Variants in PFKFB3 observed in about 807,000 individuals in gnomAD.
PFKFB3 encodes 6-phosphofructo-2-kinase/fructose-2,6-biphosphatase 3.
A neutral mutation model predicts 68.0 loss-of-function variants in PFKFB3; 33 were observed. The ratio of observed to expected loss-of-function variants is 0.49; its 90% CI spans 0.37 to 0.65. PFKFB3 has a LOEUF of 0.65. PFKFB3 is among the 30% of genes least tolerant of loss of function. PFKFB3 has a pLI of 0.00. For missense variants in PFKFB3, 586 were observed against 712.2 expected (o/e 0.82, Z 2.02); for synonymous variants, 315 against 288.2 (o/e 1.09, Z -0.94).
At chr10:6,255,230 T>A (rs1469644081), downstream of PFKFB3, among the ~76,000 whole-genome samples, 1 of 152,076 alleles carries the variant, frequency 6.6e-6, no homozygotes, top group African/African-American at 2.4e-5. Context: ...TTTCAAGTGA[T>A]TCTCCTGCCT....
the PFKFB3 span, among the ~76,000 whole-genome samples, chr10:6,319,298 G>A: frequency 6.6e-6 from 1 of 152,140 alleles, no homozygotes; most frequent in South Asian, 2.1e-4. Context: ...AAGAATATTT[G>A]GTACATATAC....
intron 1 of PFKFB3, among the ~76,000 whole-genome samples, chr10:6,173,731 G>C (rs1190645040): frequency 6.6e-6 from 1 of 152,000 alleles, no homozygotes; most frequent in African/African-American, 2.4e-5. Flanking sequence ...CGGGGGTGCA[G>C]AGAGAGGGAG....
At chr10:6,150,612 G>A (rs995538838) in intron 1 of PFKFB3, among the ~76,000 whole-genome samples, 12 of 151,584 alleles carry the variant, frequency 7.9e-5, no homozygotes, top group Non-Finnish European at 2.9e-5. Flanking sequence ...GCGACAGAGC[G>A]AGACTGTCTC....
At position 6,215,069 on chromosome 10, in the gene PFKFB3, A is replaced by G. The variant is rs1588497793; in HGVS notation, c.203-152A>G. On this transcript the variant is annotated intron_variant, in intron 2 of 14. Coordinates refer to ENST00000379775, the MANE Select transcript of PFKFB3 (RefSeq NM_004566.4). The surrounding 1 kb of genome is among the most constrained non-coding windows in gnomAD (Gnocchi z 4.3). ...TGTCCTCAGGAGTTGAGGGTAGCGT[A>G]GGACTGGGCGCCGGCATTGCTTCCA... 1 of 647,834 alleles carries G rather than the reference A, an allele frequency of 1.5e-6. No homozygotes were observed. Among genetic ancestry groups the G allele is most frequent in the South Asian group, 1.8e-5 (1 of 56,192 alleles). The allele number at this position is 647,834 out of a possible 1,614,324, so 40.1% of individuals were successfully genotyped here.
intron 1 of PFKFB3, among the ~76,000 whole-genome samples, chr10:6,190,658 C>G (rs886935128): frequency 6.6e-6 from 1 of 152,160 alleles, no homozygotes; most frequent in African/African-American, 2.4e-5. Flanking sequence ...AAAACAAAAA[C>G]AACAGATTGT....
At chr10:6,311,237 A>G in the PFKFB3 span, among the ~76,000 whole-genome samples, 1 of 152,152 alleles carries the variant, frequency 6.6e-6, no homozygotes, top group African/African-American at 2.4e-5. Flanking sequence ...GACATTATCA[A>G]TACAGGAATG....
chr10:6,178,671 G>C (rs181869027), intron 1 of PFKFB3, among the ~76,000 whole-genome samples: 1 of 152,302 alleles, frequency 6.6e-6, no homozygotes, highest in Admixed American at 6.5e-5. Flanking sequence ...TATTTTCCCC[G>C]GGGCCAGGGT....
intron 14 of PFKFB3, among the ~76,000 whole-genome samples, chr10:6,249,178 TAAAAA>T (rs71391803): frequency 3.9e-5 from 3 of 76,960 alleles, no homozygotes; most frequent in Admixed American, 1.6e-4. Context: ...CCGTCTCAAT[TAAAAA>T]AAAAAAAAAA....
chr10:6,318,377 T>C, the PFKFB3 span, among the ~76,000 whole-genome samples: 36 of 152,174 alleles, frequency 2.4e-4, no homozygotes, highest in Admixed American at 6.5e-4. Context: ...CATGACGGCC[T>C]TGCATTCTAA....
chr10:6,218,107 G>A (rs528452851), intron 6 of PFKFB3, among the ~76,000 whole-genome samples: 2 of 152,348 alleles, frequency 1.3e-5, no homozygotes, highest in South Asian at 4.1e-4. Context: ...GAGGCTCAGA[G>A]TATGAGGGTT....
chr10:6,292,266 C>CTTTTT, the PFKFB3 span, among the ~76,000 whole-genome samples: 1 of 107,264 alleles, frequency 9.3e-6, no homozygotes, highest in Admixed American at 1.1e-4. Context: ...AACCAGTGTA[C>CTTTTT]TTTTTTTTTT....
chr10:6,304,845 C>CA, the PFKFB3 span, among the ~76,000 whole-genome samples: 2 of 73,808 alleles, frequency 2.7e-5, 1 homozygote, highest in Non-Finnish European at 5.2e-5. Context: ...ATATTAGGAA[C>CA]TTTTTTTTTT....
rs887947464 is a variant in PFKFB3, at chr10:6,228,091, C to T, written c.1515+1726C>T. 112 of 1,236,742 alleles carry T rather than the reference C, an allele frequency of 9.1e-5. No homozygotes were observed. Among genetic ancestry groups the T allele is most frequent in the Admixed American group, 1.0e-4 (6 of 57,362 alleles). 76.6% of individuals were successfully genotyped at this position (1,236,742 alleles called of 1,614,324 possible). On this transcript the variant is annotated intron_variant, in intron 14 of 14. Coordinates refer to ENST00000379775, the MANE Select transcript of PFKFB3 (RefSeq NM_004566.4). This position sits in a 1 kb window ranked among gnomAD's most constrained non-coding sequence, Gnocchi z 4.5. ...TTCAGGGTGGCCAGGTTCTTAGGGA[C>T]GTCTGAAGCTGCTGGCTGGGCCGGC...
chr10:6,179,113 C>T (rs1842626354), intron 1 of PFKFB3, among the ~76,000 whole-genome samples: 1 of 152,258 alleles, frequency 6.6e-6, no homozygotes, highest in South Asian at 2.1e-4. Flanking sequence ...CATTTAACAG[C>T]TGAGAAGAAA....
chr10:6,145,114 C>A, intron 1 of PFKFB3: 1 of 969,510 alleles, frequency 1.0e-6, no homozygotes, highest in South Asian at 3.2e-5. Flanking sequence ...GGCGCGGAAG[C>A]ACTGTGCACC....
chr10:6,284,098 C>T, the PFKFB3 span, among the ~76,000 whole-genome samples: 6 of 152,094 alleles, frequency 3.9e-5, no homozygotes, highest in Admixed American at 2.0e-4. Context: ...ATTTTATGAC[C>T]CAGAATATGA....
At chr10:6,315,872 T>C in the PFKFB3 span, among the ~76,000 whole-genome samples, 1 of 152,240 alleles carries the variant, frequency 6.6e-6, no homozygotes, top group South Asian at 2.1e-4. Flanking sequence ...TATTATACCA[T>C]GTGGCTCATA....
intron 14 of PFKFB3, among the ~76,000 whole-genome samples, chr10:6,250,908 A>G (rs1846366428): frequency 6.6e-6 from 1 of 152,216 alleles, no homozygotes; most frequent in African/African-American, 2.4e-5. Flanking sequence ...AGTGGGTTGA[A>G]CTACGCCAGC....
At chr10:6,263,785 A>G in the PFKFB3 span, among the ~76,000 whole-genome samples, 1 of 152,218 alleles carries the variant, frequency 6.6e-6, no homozygotes, top group Non-Finnish European at 1.5e-5. Flanking sequence ...TCCTGGGCCT[A>G]AACGATTCTC....
Sources: gnomAD v4.1 joint callset for allele counts (sites outside exome capture counted in the v4.1 genomes callset) on GRCh38, gnomAD v4.1.1 for gene constraint, Gnocchi (gnomAD v3.1) non-coding constraint, MANE v1.5 for transcripts, NCBI Gene and HGNC (gene_info 2026-07-23, HGNC 2026-07-21) for gene names.